Variants in RORA observed in about 807,000 individuals in gnomAD.
RORA encodes the protein RAR related orphan receptor A.
Under a neutral mutation model 69.5 loss-of-function variants are expected in RORA, and 7 were observed. The observed-to-expected ratio is 0.10, with a 90% CI of 0.06 to 0.19. RORA has a LOEUF of 0.19. RORA is among the 10% of genes least tolerant of loss of function. The pLI, the probability that RORA is intolerant of heterozygous loss-of-function variation, is 1.00. For missense variants in RORA, 457 were observed against 663.0 expected (o/e 0.69, Z 3.41); for synonymous variants, 261 against 240.8 (o/e 1.08, Z -0.78).
chr15:60,833,300 C>A (rs1159852996), intron 1 of RORA, among the ~76,000 whole-genome samples: 7 of 152,054 alleles, frequency 4.6e-5, no homozygotes, highest in African/African-American at 1.7e-4. Context: ...ACTGCAACCT[C>A]CACCTCCCAG....
chr15:60,857,457 C>T (rs2073392860), intron 1 of RORA, among the ~76,000 whole-genome samples: 1 of 152,160 alleles, frequency 6.6e-6, no homozygotes, highest in African/African-American at 2.4e-5. Flanking sequence ...CACAACACAA[C>T]ATGCCAGGCT....
intron 1 of RORA, among the ~76,000 whole-genome samples, chr15:61,134,233 G>A (rs371716423): frequency 3.3e-4 from 51 of 152,244 alleles, no homozygotes; most frequent in South Asian, 1.2e-3. Context: ...ATGGTCTGCC[G>A]GCTTATTGAT....
chr15:60,829,895 C>G lies in RORA; in HGVS notation c.167-151209G>C, dbSNP rs369109887. ...CAGTAGTTAATGTCTCCCTACTGTA[C>G]TGTAGTCTTCTCATGGTGACCTAGG... is the stretch of plus-strand genomic sequence containing the variant. On this transcript the variant is annotated intron_variant, in intron 1 of 10. Coordinates refer to ENST00000335670, the MANE Select transcript of RORA (RefSeq NM_134261.3). 2.4e-3 allele frequency among the ~76,000 whole-genome samples: 371 copies of G among 152,340 alleles called. 2 individuals carry two copies. Among genetic ancestry groups the G allele is most frequent in the South Asian group, 4.4e-3 (21 of 4,826 alleles).
At chr15:61,196,543 T>G (rs1025951027) in intron 1 of RORA, among the ~76,000 whole-genome samples, 4 of 152,224 alleles carry the variant, frequency 2.6e-5, no homozygotes, top group African/African-American at 9.6e-5. Flanking sequence ...TGCGTGATTC[T>G]CAGAGAGTAC....
In RORA at chr15:60,610,346, C is replaced by T. The variant is rs340013; in HGVS notation, c.196+68311G>A. On this transcript the variant is annotated intron_variant, in intron 2 of 10. Coordinates refer to ENST00000335670, the MANE Select transcript of RORA (RefSeq NM_134261.3). Reference sequence around the variant, plus strand: ...CACTCTGAGGACCAGGAGCAAAGAACAGACGCAGGTTTCATCAAAGCAGCC... The same window carrying T: ...CACTCTGAGGACCAGGAGCAAAGAATAGACGCAGGTTTCATCAAAGCAGCC... 2.3e-3 allele frequency among the ~76,000 whole-genome samples: 356 copies of T among 152,256 alleles called. 1 individual carries two copies. The highest frequency in any genetic ancestry group is 8.1e-3 in the African/African-American group (335 of 41,546).
intron 1 of RORA, among the ~76,000 whole-genome samples, chr15:61,150,596 T>C (rs1370800596): frequency 6.6e-6 from 1 of 152,240 alleles, no homozygotes; most frequent in African/African-American, 2.4e-5. Context: ...CTCTTGCTTA[T>C]ATTTTTAAAC....
chr15:61,138,172 G>C lies in RORA; in HGVS notation c.166+90881C>G, dbSNP rs576548530. On this transcript the variant is annotated intron_variant, in intron 1 of 10. Coordinates refer to ENST00000335670, the MANE Select transcript of RORA (RefSeq NM_134261.3). Reference sequence around the variant, plus strand: ...GATGAGAACAAAGGTGGTAGTTCTTGGTAATCCAAGAAAGTGAGAAACATA... The same window carrying C: ...GATGAGAACAAAGGTGGTAGTTCTTCGTAATCCAAGAAAGTGAGAAACATA... Among the ~76,000 whole-genome samples, 12 of 152,282 alleles carry C rather than the reference G, an allele frequency of 7.9e-5. No individual in the cohort carries two copies. In the East Asian group the frequency reaches 2.3e-3, roughly 29 times the overall value.
At chr15:61,006,191 T>A (rs1410270015) in intron 1 of RORA, among the ~76,000 whole-genome samples, 2 of 152,016 alleles carry the variant, frequency 1.3e-5, no homozygotes, top group Non-Finnish European at 2.9e-5. Context: ...ATGGTCTCAA[T>A]CTCTTGACTT....
At chr15:60,925,451 T>C (rs879939999) in intron 1 of RORA, among the ~76,000 whole-genome samples, 3 of 152,246 alleles carry the variant, frequency 2.0e-5, no homozygotes, top group Non-Finnish European at 2.9e-5. Context: ...AGCCCTACTC[T>C]GTTTCTCCTC....
At chr15:61,076,292 G>T (rs2078448479) in intron 1 of RORA, among the ~76,000 whole-genome samples, 1 of 152,006 alleles carries the variant, frequency 6.6e-6, no homozygotes, top group African/African-American at 2.4e-5. Context: ...GACCACACTC[G>T]GCGATCCACC....
intron 1 of RORA, among the ~76,000 whole-genome samples, chr15:60,903,032 G>A (rs893801224): frequency 6.6e-6 from 1 of 152,156 alleles, no homozygotes; most frequent in African/African-American, 2.4e-5. Context: ...TTTATTCAGG[G>A]GATGAATTCT....
chr15:60,644,246 G>A (rs2069996222), intron 2 of RORA, among the ~76,000 whole-genome samples: 1 of 152,174 alleles, frequency 6.6e-6, no homozygotes, highest in Non-Finnish European at 1.5e-5. Flanking sequence ...ACAGGTATGT[G>A]AGTCTTTGAC....
intron 2 of RORA, among the ~76,000 whole-genome samples, chr15:60,539,106 T>C (rs780212418): frequency 6.6e-6 from 1 of 152,080 alleles, no homozygotes; most frequent in Non-Finnish European, 1.5e-5. Flanking sequence ...ACTTTGACGA[T>C]TTTTCTTCAG....
intron 1 of RORA, among the ~76,000 whole-genome samples, chr15:60,818,280 C>T (rs7495991): frequency 0.71 from 108,165 of 152,094 alleles, 38,634 homozygotes; most frequent in East Asian, 0.84. Context: ...TGTTAAAATG[C>T]AAAAAATAAA....
intron 1 of RORA, among the ~76,000 whole-genome samples, chr15:61,015,981 G>A (rs767687457): frequency 9.9e-5 from 15 of 152,188 alleles, no homozygotes; most frequent in Non-Finnish European, 1.3e-4. Context: ...CAAGACGACC[G>A]GAGGGCTTGA....
intron 3 of RORA, chr15:60,530,497 T>C (rs2066495756): frequency 6.6e-6 from 1 of 152,122 alleles, no homozygotes; most frequent in Admixed American, 6.6e-5. Flanking sequence ...TCAACTAATT[T>C]TGAGGGAGGG....
At position 60,950,572 on chromosome 15, in the gene RORA, C is replaced by T. The variant is rs1038056129; in HGVS notation, c.167-271886G>A. Among the ~76,000 whole-genome samples, 3 of 138,564 alleles carry T rather than the reference C, an allele frequency of 2.2e-5. No homozygotes were observed. In the Admixed American group the frequency reaches 2.3e-4, roughly 11 times the overall value. The allele number at this position is 138,564 out of a possible 152,430, so 90.9% of individuals were successfully genotyped here. Reference sequence around the variant, plus strand: ...TCATGTGCAGAGACACACATAGGCTCAAAATAAAAGGATGGAGGAAGATCT... The same window carrying T: ...TCATGTGCAGAGACACACATAGGCTTAAAATAAAAGGATGGAGGAAGATCT... On this transcript the variant is annotated intron_variant, in intron 1 of 10. Transcript: ENST00000335670.
At chr15:61,132,061 C>G (rs2079194502) in intron 1 of RORA, among the ~76,000 whole-genome samples, 1 of 152,136 alleles carries the variant, frequency 6.6e-6, no homozygotes, top group South Asian at 2.1e-4. Flanking sequence ...AAATAGAAAT[C>G]AGATTTGCAT....
At chr15:61,158,850 G>T (rs1352971688) in intron 1 of RORA, among the ~76,000 whole-genome samples, 1 of 152,192 alleles carries the variant, frequency 6.6e-6, no homozygotes. Flanking sequence ...AAAGGATGAA[G>T]GCAAGGATGA....
Sources: allele counts gnomAD v4.1 joint callset (sites outside exome capture counted in the v4.1 genomes callset), GRCh38; gene constraint gnomAD v4.1.1; transcripts MANE v1.5; gene names NCBI Gene and HGNC (gene_info 2026-07-23, HGNC 2026-07-21).